Variants in ABAT observed in about 807,000 individuals in gnomAD.
ABAT encodes 4-aminobutyrate aminotransferase, also known as 4-aminobutyrate aminotransferase, mitochondrial.
A neutral mutation model predicts 64.6 loss-of-function variants in ABAT; 45 were observed. The ratio of observed to expected loss-of-function variants is 0.70; its 90% CI spans 0.55 to 0.89. The LOEUF is 0.89. Among genes scored for constraint, ABAT ranks in the 40% least tolerant of loss-of-function variants. The probability of loss-of-function intolerance (pLI) is 0.00; values close to 1 mark genes in which losing one functional copy is unlikely to be tolerated. For synonymous variants in ABAT, 297 were observed against 250.5 expected (o/e 1.19, Z -1.75); for missense variants, 633 against 658.4 (o/e 0.96, Z 0.42).
At chr16:8,701,518 C>T (rs2057822071) in intron 1 of ABAT, among the ~76,000 whole-genome samples, 1 of 152,244 alleles carries the variant, frequency 6.6e-6, no homozygotes, top group Non-Finnish European at 1.5e-5. Context: ...CCCACCTCTG[C>T]TCTTCACTAT....
intron 1 of ABAT, among the ~76,000 whole-genome samples, chr16:8,724,862 T>A (rs1459849472): frequency 6.6e-6 from 1 of 151,218 alleles, no homozygotes; most frequent in East Asian, 1.9e-4. Context: ...TACACACACT[T>A]CTTTGGTCCT....
In ABAT at chr16:8,781,358, G is replaced by T; in HGVS notation, c.1431G>T (p.Thr477=). The change falls in exon 16 of 16, where the codon ACG becomes ACT. Residue 477 remains threonine (T), a synonymous_variant. Transcript: ENST00000268251. The surrounding 1 kb of genome is among the most constrained non-coding windows in gnomAD (Gnocchi z 4.5). ...CGDKSIRFRP[T]LVFRDHHAHL... ...ACAAATCCATTCGTTTCCGTCCCAC[G>T]CTGGTCTTCAGGGATCACCACGCTC... 2.5e-6 allele frequency: 4 copies of T among 1,614,142 alleles called. No homozygotes were observed. Among genetic ancestry groups the T allele is most frequent in the Non-Finnish European group, 2.5e-6 (3 of 1,180,022 alleles).
At chr16:8,772,748 C>G (rs748777517) in intron 11 of ABAT, 32 bp from the exon 12 acceptor site, 1 of 1,613,968 alleles carries the variant, frequency 6.2e-7, no homozygotes, top group South Asian at 1.1e-5. Flanking sequence ...AAGCCTCTGC[C>G]ATCGGTGGTC....
intron 1 of ABAT, among the ~76,000 whole-genome samples, chr16:8,723,549 T>C (rs2058436223): frequency 6.6e-6 from 1 of 152,124 alleles, no homozygotes; most frequent in African/African-American, 2.4e-5. Flanking sequence ...CATAGGGCTC[T>C]AGAATCAATG....
In ABAT at chr16:8,779,570, T is replaced by C; in HGVS notation, c.1361T>C (p.Ile454Thr). The C allele has an allele frequency of 6.2e-7, 1 of 1,614,132 alleles. No homozygotes were observed. Among genetic ancestry groups the C allele is most frequent in the Non-Finnish European group, 8.5e-7 (1 of 1,180,000 alleles). ...TPDDSIRNKL[I>T]LIARNKGVVL... is the part of the protein sequence containing the mutation. Reference sequence around the variant, plus strand: ...GATGATTCCATACGGAATAAGCTCATTTTAATTGCCAGAAACAAAGGTAAG... The same window carrying C: ...GATGATTCCATACGGAATAAGCTCACTTTAATTGCCAGAAACAAAGGTAAG... The change falls in exon 15 of 16, where the codon ATT (isoleucine) becomes ACT (threonine). Residue 454 changes from isoleucine to threonine, a missense_variant. By Grantham distance (89) the Ile-to-Thr change is moderately conservative (BLOSUM62 -1). Transcript: ENST00000268251.
intron 1 of ABAT, among the ~76,000 whole-genome samples, chr16:8,681,072 C>G (rs578103214): frequency 1.3e-5 from 2 of 150,214 alleles, no homozygotes; most frequent in East Asian, 2.0e-4. Flanking sequence ...GCCTTGACTT[C>G]CCAAGCTCAA....
intron 1 of ABAT, chr16:8,683,476 G>T (rs1353203374): frequency 2.0e-5 from 3 of 151,884 alleles, no homozygotes; most frequent in African/African-American, 7.3e-5. Context: ...AAACTCCTGT[G>T]CTGATCGGTA....
chr16:8,757,958 C>T (rs2059693672), intron 6 of ABAT, 152 bp downstream of exon 6: 1 of 936,134 alleles, frequency 1.1e-6, no homozygotes, highest in African/African-American at 1.6e-5. Flanking sequence ...TGTGGCATGC[C>T]TTGATGAATG....
chr16:8,747,057 A>G (rs1078508), intron 3 of ABAT, among the ~76,000 whole-genome samples: 3,369 of 152,278 alleles, frequency 0.022, 131 homozygotes, highest in African/African-American at 0.075. Context: ...GGTGTACAAA[A>G]GCAAGAGGAG....
chr16:8,684,722 C>CAA (rs35012807), intron 1 of ABAT, among the ~76,000 whole-genome samples: 8 of 121,680 alleles, frequency 6.6e-5, no homozygotes, highest in African/African-American at 2.4e-4. Context: ...GATCCTGTCT[C>CAA]AAAAAAAAAA....
chr16:8,772,683 T>A, intron 11 of ABAT, 97 bp from the exon 12 acceptor site: 1 of 1,528,316 alleles, frequency 6.5e-7, no homozygotes, highest in Non-Finnish European at 9.1e-7. Context: ...ACATTTCCAA[T>A]AAAATTGCAT....
intron 1 of ABAT, among the ~76,000 whole-genome samples, chr16:8,699,534 G>A (rs982574482): frequency 1.3e-5 from 2 of 151,948 alleles, no homozygotes; most frequent in African/African-American, 4.8e-5. Flanking sequence ...ATCCAGCCTG[G>A]GTGACTGACT....
At chr16:8,763,102 A>C (rs2059843986) in intron 6 of ABAT, among the ~76,000 whole-genome samples, 1 of 64,778 alleles carries the variant, frequency 1.5e-5, no homozygotes, top group South Asian at 5.5e-4. Context: ...AAGACCCTGT[A>C]ACAAAAAAAA....
intron 1 of ABAT, among the ~76,000 whole-genome samples, chr16:8,684,549 C>G (rs2057408928): frequency 6.6e-6 from 1 of 151,994 alleles, no homozygotes; most frequent in Non-Finnish European, 1.5e-5. Context: ...AAGACCCCTT[C>G]TCTACAAAAA....
chr16:8,708,848 C>A (rs184827363), intron 1 of ABAT, among the ~76,000 whole-genome samples: 83 of 152,228 alleles, frequency 5.5e-4, no homozygotes, highest in African/African-American at 1.9e-3. Flanking sequence ...GTAAGAGCAC[C>A]TACTCCACAG....
chr16:8,726,162 A>C (rs1164421178), intron 1 of ABAT, among the ~76,000 whole-genome samples: 1 of 152,088 alleles, frequency 6.6e-6, no homozygotes, highest in Admixed American at 6.6e-5. Context: ...TAGATCCCAC[A>C]AATAAGTGAG....
At chr16:8,703,619 G>C (rs2142036506) in intron 1 of ABAT, among the ~76,000 whole-genome samples, 1 of 152,310 alleles carries the variant, frequency 6.6e-6, no homozygotes, top group Middle Eastern at 3.4e-3. Flanking sequence ...GCAGAAAAAG[G>C]AGACAGTGTC....
chr16:8,704,602 C>T lies in ABAT; in HGVS notation c.-42+29891C>T, dbSNP rs559771815. ...GAAAACACATGTCTTTCCAGCCTTG[C>T]TTTATTGTGTAGCAGTTTATGATTT... On this transcript the variant is annotated intron_variant, in intron 1 of 15. Transcript: ENST00000268251. Among the ~76,000 whole-genome samples the T allele has an allele frequency of 2.6e-5, 4 of 152,312 alleles. No homozygotes were observed. In the East Asian group the frequency reaches 7.7e-4, roughly 29 times the overall value.
intron 9 of ABAT, among the ~76,000 whole-genome samples, 175 bp downstream of exon 9, chr16:8,766,445 A>G (rs566199961): frequency 6.6e-6 from 1 of 152,290 alleles, no homozygotes; most frequent in East Asian, 1.9e-4. Flanking sequence ...ACCCAAGGTC[A>G]GGAGTTCAAG....
Sources: allele counts gnomAD v4.1 joint callset (sites outside exome capture counted in the v4.1 genomes callset), GRCh38; gene constraint gnomAD v4.1.1; non-coding constraint Gnocchi (gnomAD v3.1); transcripts MANE v1.5; gene names NCBI Gene and HGNC (gene_info 2026-07-23, HGNC 2026-07-21).